The following PSKH1 variants were observed in gnomAD, a reference collection of about 807,000 sequenced individuals.
PSKH1 encodes the protein protein serine kinase H1.
In PSKH1, 12 loss-of-function variants were observed where a neutral mutation model predicts 26.7. The observed-to-expected ratio is 0.45, with a 90% CI of 0.29 to 0.73. The LOEUF (loss-of-function observed/expected upper bound fraction) is 0.73, where lower values mean the gene tolerates loss of function less well. Among genes scored for constraint, PSKH1 ranks in the 30% least tolerant of loss-of-function variants. The pLI is 0.11. For missense variants in PSKH1, 431 were observed against 595.2 expected (o/e 0.72, Z 2.87); for synonymous variants, 213 against 234.3 (o/e 0.91, Z 0.83).
At chr16:67,925,350 C>T (rs749132545) in intron 2 of PSKH1, among the ~76,000 whole-genome samples, 2 of 152,000 alleles carry the variant, frequency 1.3e-5, no homozygotes, top group Non-Finnish European at 2.9e-5. Context: ...CACGCCACCA[C>T]GCCCGACTAA....
At chr16:67,922,682 G>A (rs1018795242) in intron 2 of PSKH1, among the ~76,000 whole-genome samples, 5 of 152,206 alleles carry the variant, frequency 3.3e-5, no homozygotes, top group Non-Finnish European at 7.3e-5. Context: ...CCCCTTCCTC[G>A]TGTTAAAAGT....
intron 2 of PSKH1, among the ~76,000 whole-genome samples, chr16:67,926,111 G>A (rs1460297246): frequency 6.6e-6 from 1 of 152,138 alleles, no homozygotes; most frequent in Non-Finnish European, 1.5e-5. Flanking sequence ...GGAAAGTGAG[G>A]GGATCGTTAG....
intron 2 of PSKH1, among the ~76,000 whole-genome samples, chr16:67,919,515 G>GC (rs1003562522): frequency 1.3e-4 from 20 of 152,198 alleles, no homozygotes; most frequent in African/African-American, 4.1e-4. Context: ...ATGATCAGAT[G>GC]CCCCCATACC....
At chr16:67,910,964 G>T (rs2058171650) in intron 2 of PSKH1, among the ~76,000 whole-genome samples, 1 of 152,228 alleles carries the variant, frequency 6.6e-6, no homozygotes, top group African/African-American at 2.4e-5. Flanking sequence ...AATGTGTGAG[G>T]TTTCAGCACT....
At chr16:67,897,996 C>T (rs1420052037) in intron 1 of PSKH1, among the ~76,000 whole-genome samples, 2 of 152,094 alleles carry the variant, frequency 1.3e-5, no homozygotes, top group Non-Finnish European at 2.9e-5. Context: ...TACAGGTGCA[C>T]GCTACCACGC....
At chr16:67,911,988 A>C (rs964136322) in intron 2 of PSKH1, among the ~76,000 whole-genome samples, 1 of 152,198 alleles carries the variant, frequency 6.6e-6, no homozygotes, top group Admixed American at 6.5e-5. Flanking sequence ...GCAGGTGGTG[A>C]AGATTTATAC....
intron 1 of PSKH1, among the ~76,000 whole-genome samples, chr16:67,904,823 T>A (rs1296998747): frequency 7.7e-6 from 1 of 130,642 alleles, no homozygotes; most frequent in Non-Finnish European, 1.6e-5. Context: ...CTTTTTTAAT[T>A]TTTTTTTTTT....
At position 67,909,364 on chromosome 16, in the gene PSKH1, C is replaced by T. The variant is rs757065890; in HGVS notation, c.615C>T (p.Gly205=). Residue 205 remains glycine (G), a synonymous_variant, in exon 2 of 3, where the codon GGC becomes GGT. Coordinates refer to ENST00000291041, the MANE Select transcript of PSKH1 (RefSeq NM_006742.3). This position sits in a 1 kb window ranked among gnomAD's most constrained non-coding sequence, Gnocchi z 7.8. ...ATRVLQMVLD[G]VRYLHALGIT... ...GGGTGCTGCAGATGGTGCTGGATGG[C>T]GTCCGGTATCTGCATGCACTGGGCA... 6 of 1,613,886 alleles carry T rather than the reference C, an allele frequency of 3.7e-6. No homozygotes were observed. Among genetic ancestry groups the T allele is most frequent in the Admixed American group, 1.7e-5 (1 of 59,986 alleles).
rs749142210 is a variant in PSKH1 at position 67,927,643 on chromosome 16, G to A, written c.*1G>A. 6 of 1,599,398 alleles carry A rather than the reference G, an allele frequency of 3.8e-6. No individual in the cohort carries two copies. In the East Asian group the frequency reaches 1.3e-4, roughly 36 times the overall value. On this transcript the variant is annotated 3_prime_UTR_variant, in exon 3 of 3. Coordinates refer to ENST00000291041, the MANE Select transcript of PSKH1 (RefSeq NM_006742.3). The surrounding 1 kb of genome is among the most constrained non-coding windows in gnomAD (Gnocchi z 5.5). Reference sequence around the variant, plus strand: ...CTACCAGCAGCAATACAATGGCTGAGCCGCCTGGCTGTGCACACATGCAGC... The same window carrying A: ...CTACCAGCAGCAATACAATGGCTGAACCGCCTGGCTGTGCACACATGCAGC...
intron 1 of PSKH1, among the ~76,000 whole-genome samples, chr16:67,905,850 A>T (rs1004188990): frequency 6.6e-6 from 1 of 152,108 alleles, no homozygotes; most frequent in African/African-American, 2.4e-5. Context: ...AGGAGACTCC[A>T]TCTCAAAAAA....
intron 2 of PSKH1, among the ~76,000 whole-genome samples, chr16:67,919,205 C>T (rs2058195514): frequency 2.0e-5 from 3 of 152,138 alleles, no homozygotes. Flanking sequence ...TGTTTCCTGG[C>T]TTATGCTTGG....
At chr16:67,907,431 T>A (rs2058159628) in intron 1 of PSKH1, among the ~76,000 whole-genome samples, 1 of 151,978 alleles carries the variant, frequency 6.6e-6, no homozygotes, top group Non-Finnish European at 1.5e-5. Flanking sequence ...CAGCTAATTT[T>A]TGTACTTGTA....
intron 1 of PSKH1, among the ~76,000 whole-genome samples, chr16:67,900,022 C>A (rs988339668): frequency 6.6e-6 from 1 of 152,004 alleles, no homozygotes; most frequent in African/African-American, 2.4e-5. Flanking sequence ...AGTGCAGTGG[C>A]ATGATCTCAG....
At chr16:67,910,094 CT>C (rs1567399595) in intron 2 of PSKH1, 1 of 411,044 alleles carries the variant, frequency 2.4e-6, no homozygotes, top group African/African-American at 2.0e-5. Context: ...ACGTGAGTTT[CT>C]TTTTGTTTTG....
At chr16:67,913,986 C>T (rs577198960) in intron 2 of PSKH1, among the ~76,000 whole-genome samples, 6 of 152,118 alleles carry the variant, frequency 3.9e-5, no homozygotes, top group African/African-American at 1.4e-4. Flanking sequence ...ATGATAGCTA[C>T]AGAAGTATAG....
chr16:67,903,729 C>T (rs549498326), intron 1 of PSKH1, among the ~76,000 whole-genome samples: 8 of 152,092 alleles, frequency 5.3e-5, no homozygotes, highest in Non-Finnish European at 1.0e-4. Flanking sequence ...GACCACTTGC[C>T]GCTGAGCTGT....
Position 67,909,595 on chromosome 16 carries a change from G to A in PSKH1, c.846G>A (p.Ala282=), listed in dbSNP as rs757286212. Residue 282 remains alanine, a synonymous_variant, in exon 2 of 3, where the codon GCG becomes GCA. Coordinates refer to ENST00000291041, the MANE Select transcript of PSKH1 (RefSeq NM_006742.3). The surrounding 1 kb of genome is among the most constrained non-coding windows in gnomAD (Gnocchi z 7.8). ...KPYTNSVDMW[A]LGVIAYILLS... is the part of the protein sequence containing the mutation. ...ACACCAACTCAGTGGACATGTGGGCGCTGGGCGTCATTGCCTACATCCTAC... is the reference window on the plus strand; with the variant it reads ...ACACCAACTCAGTGGACATGTGGGCACTGGGCGTCATTGCCTACATCCTAC... 1.4e-5 allele frequency: 23 copies of A among 1,613,940 alleles called. No individual in the cohort carries two copies. Among genetic ancestry groups the A allele is most frequent in the Admixed American group, 1.7e-5 (1 of 60,006 alleles).
intron 2 of PSKH1, among the ~76,000 whole-genome samples, chr16:67,919,956 G>A (rs957303991): frequency 1.1e-4 from 17 of 152,280 alleles, no homozygotes; most frequent in African/African-American, 3.6e-4. Flanking sequence ...CACCCGCCAC[G>A]CTGCTGCATT....
At chr16:67,925,076 A>G (rs1421315496) in intron 2 of PSKH1, among the ~76,000 whole-genome samples, 1 of 151,678 alleles carries the variant, frequency 6.6e-6, no homozygotes, top group Non-Finnish European at 1.5e-5. Flanking sequence ...GAGTGTTGGG[A>G]TTATAGGCGG....
Sources: allele counts gnomAD v4.1 joint callset (sites outside exome capture counted in the v4.1 genomes callset), GRCh38; gene constraint gnomAD v4.1.1; non-coding constraint Gnocchi (gnomAD v3.1); transcripts MANE v1.5; gene names NCBI Gene and HGNC (gene_info 2026-07-23, HGNC 2026-07-21).